The following DAB1 variants were observed in gnomAD, a reference collection of about 807,000 sequenced individuals.
The protein encoded by DAB1 is disabled homolog 1.
Under a neutral mutation model 64.6 loss-of-function variants are expected in DAB1, and 15 were observed. The observed-to-expected ratio is 0.23, with a 90% CI of 0.16 to 0.36. DAB1 has a LOEUF of 0.36. Among genes scored for constraint, DAB1 ranks in the 10% least tolerant of loss-of-function variants. The pLI is 1.00. For synonymous variants in DAB1, 235 were observed against 251.9 expected, an observed-to-expected ratio of 0.93 and a Z score of 0.64; for missense variants, 596 against 706.7, an observed-to-expected ratio of 0.84 and a Z score of 1.78.
rs143719756 is a variant in DAB1, at chr1:57,117,472, T to C, written c.306+19071A>G. 4.1e-3 allele frequency among the ~76,000 whole-genome samples: 632 copies of C among 152,362 alleles called. 3 individuals are homozygous for C. Among genetic ancestry groups the C allele is most frequent in the African/African-American group, 0.014 (601 of 41,596 alleles). ...CCAAGATCACAGAACTGGTGAGCTA[T>C]GGAGCCCTCCTATGAACTTCTATTT... On this transcript the variant is annotated intron_variant, in intron 4 of 14. Transcript: ENST00000371236.
At chr1:57,152,006 G>A (rs966319689) in intron 2 of DAB1, among the ~76,000 whole-genome samples, 7 of 151,726 alleles carry the variant, frequency 4.6e-5, no homozygotes, top group Admixed American at 1.3e-4. Flanking sequence ...TAGAGATGAG[G>A]TTTCCCCATG....
intron 2 of DAB1, among the ~76,000 whole-genome samples, chr1:58,520,950 A>G (rs1294944881): frequency 1.3e-5 from 2 of 152,224 alleles, no homozygotes; most frequent in African/African-American, 4.8e-5. Flanking sequence ...AAATTGACAC[A>G]CTTGGCAAAA....
intron 5 of DAB1, among the ~76,000 whole-genome samples, chr1:58,029,565 C>T (rs753863716): frequency 3.3e-5 from 5 of 152,208 alleles, no homozygotes; most frequent in Non-Finnish European, 7.3e-5. Context: ...AGGCCAGACT[C>T]ATCCAACATA....
intron 5 of DAB1, among the ~76,000 whole-genome samples, chr1:57,966,617 T>C (rs751593197): frequency 3.3e-4 from 50 of 152,278 alleles, no homozygotes; most frequent in Non-Finnish European, 5.4e-4. Context: ...GTTATTTTAG[T>C]TATGTTTTGG....
chr1:57,054,437 T>C (rs188082150), intron 9 of DAB1, among the ~76,000 whole-genome samples: 129 of 151,372 alleles, frequency 8.5e-4, no homozygotes, highest in Non-Finnish European at 9.4e-4. Context: ...ATGGGACGCT[T>C]AGCAGACACC....
intron 2 of DAB1, among the ~76,000 whole-genome samples, chr1:57,168,719 T>C (rs1035265703): frequency 6.6e-6 from 1 of 152,188 alleles, no homozygotes; most frequent in East Asian, 1.9e-4. Context: ...CTTTACCAAA[T>C]GCCCCTTTCT....
rs1236380559 is a variant in DAB1, at chr1:57,632,596, T to TG, written n.625+16995dup. On this transcript the variant is annotated intron_variant and non_coding_transcript_variant, in intron 7 of 20. Transcript: ENST00000485760. Reference sequence around the variant, plus strand: ...CAGGCAGACACAGACAGAGGAAGGTTGGGGTGGAGTTGAAACAGTGGGGAG... The same window carrying TG: ...CAGGCAGACACAGACAGAGGAAGGTTGGGGGTGGAGTTGAAACAGTGGGGAG... Among the ~76,000 whole-genome samples, 10 of 152,162 alleles carry TG rather than the reference T, an allele frequency of 6.6e-5. No individual in the cohort carries two copies. In the East Asian group the frequency reaches 1.9e-3, roughly 29 times the overall value.
chr1:57,246,373 G>A (rs1668876950), intron 2 of DAB1, among the ~76,000 whole-genome samples: 2 of 152,248 alleles, frequency 1.3e-5, no homozygotes, highest in African/African-American at 4.8e-5. Context: ...TTGCTTCAGA[G>A]GGTGCAAGCC....
intron 2 of DAB1, among the ~76,000 whole-genome samples, chr1:57,265,484 T>C (rs1490361591): frequency 6.6e-6 from 1 of 152,114 alleles, no homozygotes; most frequent in African/African-American, 2.4e-5. Flanking sequence ...TATATTCATA[T>C]ATCTTTAATT....
At chr1:58,081,850 T>G (rs1650019066) in intron 5 of DAB1, among the ~76,000 whole-genome samples, 1 of 152,124 alleles carries the variant, frequency 6.6e-6, no homozygotes, top group Non-Finnish European at 1.5e-5. Context: ...TTCTGAGAAA[T>G]TTGATTGGTG....
At chr1:57,383,368 C>T (rs1020590468) in intron 1 of DAB1, among the ~76,000 whole-genome samples, 11 of 152,160 alleles carry the variant, frequency 7.2e-5, no homozygotes, top group African/African-American at 2.2e-4. Flanking sequence ...ATGAATCAGA[C>T]TTTGTAGCAT....
intron 5 of DAB1, among the ~76,000 whole-genome samples, chr1:58,117,565 G>T (rs773568011): frequency 6.6e-6 from 1 of 152,112 alleles, no homozygotes; most frequent in Non-Finnish European, 1.5e-5. Context: ...GCTTCATTGC[G>T]TGGCTTCAAA....
intron 4 of DAB1, among the ~76,000 whole-genome samples, chr1:57,098,537 C>T (rs1654380454): frequency 1.3e-5 from 2 of 152,144 alleles, no homozygotes; most frequent in South Asian, 4.1e-4. Context: ...GTCCCTTTGA[C>T]CTCTAACACT....
At chr1:58,132,932 C>G (rs1269272856) in intron 5 of DAB1, among the ~76,000 whole-genome samples, 3 of 152,326 alleles carry the variant, frequency 2.0e-5, no homozygotes, top group African/African-American at 7.2e-5. Flanking sequence ...AGTGTTAACT[C>G]AATTGTGTGA....
At chr1:57,926,387 G>C (rs138048612) in intron 5 of DAB1, among the ~76,000 whole-genome samples, 2,204 of 152,240 alleles carry the variant, frequency 0.014, 26 homozygotes, top group Middle Eastern at 0.061. Flanking sequence ...CACCTACCAA[G>C]AACTTGCAGG....
At chr1:57,056,665 G>A (rs1400655062) in intron 9 of DAB1, among the ~76,000 whole-genome samples, 1 of 151,932 alleles carries the variant, frequency 6.6e-6, no homozygotes, top group African/African-American at 2.4e-5. Context: ...AGGAGTTTGA[G>A]ACCAGACTGG....
chr1:57,975,245 A>G (rs1221666526), intron 5 of DAB1, among the ~76,000 whole-genome samples: 1 of 152,220 alleles, frequency 6.6e-6, no homozygotes. Context: ...AGCCTCCAGA[A>G]CCATGAGAAA....
At chr1:57,346,370 T>A (rs1678101328) in intron 1 of DAB1, among the ~76,000 whole-genome samples, 1 of 152,182 alleles carries the variant, frequency 6.6e-6, no homozygotes, top group South Asian at 2.1e-4. Context: ...AAGGCAGAAT[T>A]TTTAAACATT....
intron 4 of DAB1, among the ~76,000 whole-genome samples, chr1:58,284,146 G>C (rs1478794016): frequency 6.6e-6 from 1 of 152,344 alleles, no homozygotes; most frequent in African/African-American, 2.4e-5. Context: ...ACCAGAGGCT[G>C]TTACATGGAG....
Sources: allele counts gnomAD v4.1 joint callset (sites outside exome capture counted in the v4.1 genomes callset), GRCh38; gene constraint gnomAD v4.1.1; transcripts MANE v1.5; gene names NCBI Gene and HGNC (gene_info 2026-07-23, HGNC 2026-07-21).